Variants in HAUS6 observed in about 807,000 individuals in gnomAD.
HAUS6 encodes HAUS augmin-like complex subunit 6.
Under a neutral mutation model 106.8 loss-of-function variants are expected in HAUS6, and 80 were observed. That is an observed-to-expected ratio of 0.75 (90% confidence interval 0.63 to 0.90). HAUS6 has a LOEUF of 0.90. Among genes scored for constraint, HAUS6 ranks in the 40% least tolerant of loss-of-function variants. The pLI is 0.00. For missense variants in HAUS6, 1,155 were observed against 1,118.1 expected (o/e 1.03, Z -0.47); for synonymous variants, 356 against 379.1 (o/e 0.94, Z 0.71).
intron 1 of HAUS6, among the ~76,000 whole-genome samples, chr9:19,098,392 C>G (rs935166806): frequency 6.1e-5 from 9 of 148,552 alleles, no homozygotes; most frequent in African/African-American, 2.0e-4. Flanking sequence ...GAGCCAAGAT[C>G]GCGCCACCGC....
chr9:19,065,733 C>T (rs1169758951), intron 12 of HAUS6, among the ~76,000 whole-genome samples: 1 of 151,702 alleles, frequency 6.6e-6, no homozygotes, highest in Non-Finnish European at 1.5e-5. Context: ...CCCAGCTACT[C>T]GGGAGGCTGA....
chr9:19,062,943 G>C lies in HAUS6; in HGVS notation c.1629+65C>G. On this transcript the variant is annotated intron_variant, in intron 14 of 16. Transcript: ENST00000380502. The stretch of plus-strand genomic sequence containing the variant: ...AACCTCCCCAAGTGTTGGGATTACA[G>C]ACATGGGCCACTGTGCCCATCCAAT... 3 of 1,218,834 alleles carry C rather than the reference G, an allele frequency of 2.5e-6. No homozygotes were observed. The South Asian group carries it at 3.9e-5, about 16-fold the overall frequency. The allele number at this position is 1,218,834 out of a possible 1,614,324, so 75.5% of individuals were successfully genotyped here.
chr9:19,065,067 G>C (rs940113842), intron 12 of HAUS6: 11 of 152,222 alleles, frequency 7.2e-5, no homozygotes, highest in Non-Finnish European at 1.6e-4. Flanking sequence ...GAATCGATGA[G>C]TAAATGCCAC....
At chr9:19,075,229 G>C (rs1337174655) in intron 11 of HAUS6, among the ~76,000 whole-genome samples, 1 of 152,178 alleles carries the variant, frequency 6.6e-6, no homozygotes, top group Non-Finnish European at 1.5e-5. Flanking sequence ...CTTTGAACTG[G>C]AGAAGTGAAG....
chr9:19,063,376 G>A lies in HAUS6; in HGVS notation c.1443+138C>T, dbSNP rs917488878. ...TCCCACTTAGCAATAAGGAATATAA[G>A]TAGATATGGTACAAAATGTACAAAT... On this transcript the variant is annotated intron_variant, in intron 13 of 16. Coordinates refer to ENST00000380502, the MANE Select transcript of HAUS6 (RefSeq NM_017645.5). The A allele has an allele frequency of 3.4e-5, 20 of 584,210 alleles. No homozygotes were observed. In the African/African-American group the frequency reaches 4.1e-4, roughly 12 times the overall value. The allele number at this position is 584,210 out of a possible 1,614,324, so 36.2% of individuals were successfully genotyped here.
intron 12 of HAUS6, chr9:19,064,897 C>A (rs1200979644): frequency 1.3e-5 from 2 of 152,100 alleles, no homozygotes; most frequent in Admixed American, 6.5e-5. Flanking sequence ...CAAAAAGCCC[C>A]CTGAAACAGA....
chr9:19,099,446 G>A (rs957342087), intron 1 of HAUS6, among the ~76,000 whole-genome samples: 4 of 151,982 alleles, frequency 2.6e-5, no homozygotes, highest in African/African-American at 9.7e-5. Context: ...AATTACAGGC[G>A]TGAGCCACCG....
rs529319617 is a variant in HAUS6 at position 19,056,397 on chromosome 9, G to A, written c.2814C>T (p.Asp938=). 2 of 1,542,768 alleles carry A rather than the reference G, an allele frequency of 1.3e-6. No individual in the cohort carries two copies. Among genetic ancestry groups the A allele is most frequent in the South Asian group, 1.1e-5 (1 of 89,326 alleles). The change falls in exon 17 of 17, where the codon GAC becomes GAT. Residue 938 remains aspartate (D), a synonymous_variant. Transcript: ENST00000380502. The part of the protein sequence containing the change: ...LGELPNLKEE[D]ILNKSLDAKE... Reference sequence around the variant, plus strand: ...TTGCATCAAGGCTCTTATTCAAAATGTCTTCTTCTGCAAATTGATTTTAAA... The same window carrying A: ...TTGCATCAAGGCTCTTATTCAAAATATCTTCTTCTGCAAATTGATTTTAAA...
chr9:19,076,819 A>G, intron 10 of HAUS6, 115 bp from the exon 11 acceptor site: 1 of 624,880 alleles, frequency 1.6e-6, no homozygotes, highest in East Asian at 2.8e-5. Flanking sequence ...CAGAATTACC[A>G]AGAATGTATC....
intron 11 of HAUS6, among the ~76,000 whole-genome samples, chr9:19,073,515 C>G (rs907801279): frequency 1.3e-5 from 2 of 151,608 alleles, no homozygotes; most frequent in African/African-American, 4.8e-5. Context: ...AGAGAAACCT[C>G]CAAATGGACA....
rs143481711 is a variant in HAUS6 at position 19,101,932 on chromosome 9, C to T, written c.128+592G>A. On this transcript the variant is annotated intron_variant, in intron 1 of 16. Transcript: ENST00000380502. The stretch of plus-strand genomic sequence containing the variant: ...AGACTCCATATGAAAGAAAAGAATT[C>T]CTCTTGGCCTACAGTGGGAATGATT... Among the ~76,000 whole-genome samples the T allele has an allele frequency of 1.9e-3, 284 of 152,122 alleles. 1 individual carries two copies. Among genetic ancestry groups the T allele is most frequent in the African/African-American group, 6.6e-3 (275 of 41,508 alleles).
At chr9:19,080,347 A>G in intron 9 of HAUS6, 132 bp downstream of exon 9, 1 of 628,530 alleles carries the variant, frequency 1.6e-6, no homozygotes, top group Non-Finnish European at 2.8e-6. Flanking sequence ...AGAGTTGATT[A>G]TGTAAGATTT....
intron 1 of HAUS6, among the ~76,000 whole-genome samples, chr9:19,099,228 G>A (rs183715353): frequency 3.4e-4 from 51 of 148,292 alleles, no homozygotes; most frequent in Middle Eastern, 3.5e-3. Context: ...GTGCAGCGGC[G>A]CGATCTCGGC....
At chr9:19,093,868 C>G (rs1564021080) in intron 3 of HAUS6, among the ~76,000 whole-genome samples, 1 of 151,006 alleles carries the variant, frequency 6.6e-6, no homozygotes. Context: ...GACTCTGTCT[C>G]AAAAAAAAGT....
At chr9:19,087,766 C>T (rs1022250680) in intron 5 of HAUS6, among the ~76,000 whole-genome samples, 1 of 149,608 alleles carries the variant, frequency 6.7e-6, no homozygotes, top group South Asian at 2.1e-4. Flanking sequence ...TCACTTGAGC[C>T]CAGGAGGTCA....
At chr9:19,086,518 G>A (rs1362688251) in intron 7 of HAUS6, among the ~76,000 whole-genome samples, 2 of 151,740 alleles carry the variant, frequency 1.3e-5, no homozygotes, top group Non-Finnish European at 2.9e-5. Context: ...TACTTAGGAG[G>A]CTGAGGCAAC....
chr9:19,080,705 A>T (rs775579392), intron 8 of HAUS6, 33 bp from the exon 9 acceptor site: 1 of 1,255,412 alleles, frequency 8.0e-7, no homozygotes, highest in South Asian at 1.3e-5. Flanking sequence ...AAATTGGTGA[A>T]CTATAGGTTG....
At chr9:19,062,827 A>G (rs1836657517) in intron 14 of HAUS6, among the ~76,000 whole-genome samples, 181 bp downstream of exon 14, 1 of 151,998 alleles carries the variant, frequency 6.6e-6, no homozygotes, top group African/African-American at 2.4e-5. Context: ...CCCCATGCTC[A>G]ACTGTTTTTT....
intron 2 of HAUS6, among the ~76,000 whole-genome samples, chr9:19,095,697 C>T (rs1191856538): frequency 6.6e-6 from 1 of 152,044 alleles, no homozygotes; most frequent in Non-Finnish European, 1.5e-5. Flanking sequence ...CTACTTGTTG[C>T]TTTTCTATAT....
Sources: allele counts gnomAD v4.1 joint callset (sites outside exome capture counted in the v4.1 genomes callset), GRCh38; gene constraint gnomAD v4.1.1; transcripts MANE v1.5; gene names NCBI Gene and HGNC (gene_info 2026-07-23, HGNC 2026-07-21).